Variants in IL3RA observed in about 807,000 individuals in gnomAD.
IL3RA encodes interleukin-3 receptor subunit alpha.
Under a neutral mutation model 52.3 loss-of-function variants are expected in IL3RA, and 73 were observed. That is an observed-to-expected ratio of 1.40 (90% CI 1.16 to 1.70). IL3RA has a LOEUF of 1.70. Ranked by LOEUF, IL3RA falls within the 40% of genes most tolerant of loss-of-function variation. IL3RA has a pLI of 0.00. For missense variants in IL3RA, 664 were observed against 504.4 expected (o/e 1.32, Z -3.03); for synonymous variants, 260 against 194.0 (o/e 1.34, Z -2.83).
chrX:1,380,985 T>G (rs5989670), intron 10 of IL3RA, 38 bp from the exon 11 acceptor site: 900,525 of 1,570,952 alleles, frequency 0.57, 262,312 homozygotes, highest in African/African-American at 0.75. Context: ...GCTGGTCGGT[T>G]TTGGGTTCAG....
chrX:1,378,553 A>G, intron 9 of IL3RA, 106 bp from the exon 10 acceptor site: 1 of 970,076 alleles, frequency 1.0e-6, no homozygotes, highest in Non-Finnish European at 1.6e-6. Context: ...ACGCCACCCC[A>G]TATGGCAGCC....
intron 4 of IL3RA, among the ~76,000 whole-genome samples, chrX:1,351,580 C>T (rs374547984): frequency 1.8e-4 from 27 of 151,376 alleles, no homozygotes; most frequent in South Asian, 6.3e-4. Context: ...CCTCCTGCCT[C>T]GGCCTCCCAA....
chrX:1,380,777 T>C (rs1269433363), intron 10 of IL3RA, among the ~76,000 whole-genome samples: 1 of 151,180 alleles, frequency 6.6e-6, no homozygotes. Flanking sequence ...GGTCTGTCTT[T>C]GCAGCTGCAC....
In IL3RA at chrX:1,345,374, G is replaced by A; in HGVS notation, c.123G>A (p.Trp41Ter). The A allele has an allele frequency of 6.2e-7, 1 of 1,611,194 alleles. No individual in the cohort carries two copies. Among genetic ancestry groups the A allele is most frequent in the Non-Finnish European group, 8.5e-7 (1 of 1,178,278 alleles). ...RMKAKAQQLT[W>*]DLNRNVTDIE... ...AAGCAAAGGCTCAGCAGTTGACCTG[G>A]GACCTTAACAGAAATGTGACCGATA... Residue 41 changes from tryptophan to a stop codon, truncating the protein, a stop_gained, in exon 3 of 12, where the codon TGG (tryptophan) becomes TGA (stop). Coordinates refer to ENST00000331035, the MANE Select transcript of IL3RA (RefSeq NM_002183.4). LOFTEE classifies it high-confidence loss of function.
rs1433438675 is a variant in IL3RA at position 1,360,694 on chromosome X, T to C, written c.759+1807T>C. ...CCACCATGCCCAACTAACTTTTTTT[T>C]TTTTTTGTATTTTTAGTAGAGACAG... On this transcript the variant is annotated intron_variant, in intron 8 of 11. Transcript: ENST00000331035. Among the ~76,000 whole-genome samples the C allele has an allele frequency of 5.4e-4, 82 of 151,872 alleles. 1 individual carries two copies. The highest frequency in any genetic ancestry group is 8.5e-4 in the Non-Finnish European group (58 of 67,944).
chrX:1,361,742 G>C (rs1402897081), intron 8 of IL3RA, among the ~76,000 whole-genome samples: 2 of 127,246 alleles, frequency 1.6e-5, no homozygotes, highest in African/African-American at 6.2e-5. Flanking sequence ...GACAGAGTGA[G>C]ACTCCGTCTC....
At chrX:1,351,328 A>T (rs2086072726) in intron 4 of IL3RA, among the ~76,000 whole-genome samples, 1 of 66,058 alleles carries the variant, frequency 1.5e-5, no homozygotes, top group African/African-American at 6.5e-5. Flanking sequence ...AAGGAATTAG[A>T]GTTTTATTTT....
intron 8 of IL3RA, among the ~76,000 whole-genome samples, chrX:1,359,704 ATCTC>A (rs1311880839): frequency 1.5e-4 from 12 of 79,620 alleles, no homozygotes; most frequent in African/African-American, 4.6e-4. Flanking sequence ...TTCTCCCTCC[ATCTC>A]TCTCTCCCTG....
chrX:1,360,922 CCT>C (rs1273941658), intron 8 of IL3RA, among the ~76,000 whole-genome samples: 132 of 119,562 alleles, frequency 1.1e-3, no homozygotes, highest in Non-Finnish European at 1.6e-3. Context: ...TCTCCCTTCC[CCT>C]CTCTGTCTCT....
At chrX:1,360,356 ATCTC>A (rs771602134) in intron 8 of IL3RA, among the ~76,000 whole-genome samples, 2,920 of 110,016 alleles carry the variant, frequency 0.027, 112 homozygotes, top group African/African-American at 0.087. Context: ...CCCTCTCTTT[ATCTC>A]TCTCTCTCTC....
At chrX:1,349,155 G>A (rs1197437657) in intron 4 of IL3RA, among the ~76,000 whole-genome samples, 1 of 149,076 alleles carries the variant, frequency 6.7e-6, no homozygotes. Context: ...CTACACCCAT[G>A]TACCACCATG....
At chrX:1,349,263 C>T (rs1170078414) in intron 4 of IL3RA, among the ~76,000 whole-genome samples, 1 of 151,034 alleles carries the variant, frequency 6.6e-6, no homozygotes. Context: ...CTCACTGCAA[C>T]CTCTGGCTCC....
chrX:1,350,857 C>T (rs1373579070), intron 4 of IL3RA, among the ~76,000 whole-genome samples: 1 of 144,550 alleles, frequency 6.9e-6, no homozygotes, highest in African/African-American at 2.6e-5. Flanking sequence ...CATTGAGCTC[C>T]AGCCTGGGCA....
At chrX:1,354,360 C>T (rs1464194820) in intron 6 of IL3RA, among the ~76,000 whole-genome samples, 1 of 151,836 alleles carries the variant, frequency 6.6e-6, no homozygotes, top group Non-Finnish European at 1.5e-5. Context: ...GTGAGAATGT[C>T]AATATGCCCA....
Position 1,343,436 on chromosome X carries a change from G to A in IL3RA, c.64+1607G>A, listed in dbSNP as rs183323514. Reference sequence around the variant, plus strand: ...TCCCAGCACTTTGGGAGGCTGAGGCGGGTGGATCACTTGAGGTCAGGAGTT... The same window carrying A: ...TCCCAGCACTTTGGGAGGCTGAGGCAGGTGGATCACTTGAGGTCAGGAGTT... On this transcript the variant is annotated intron_variant, in intron 2 of 11. Coordinates refer to ENST00000331035, the MANE Select transcript of IL3RA (RefSeq NM_002183.4). Among the ~76,000 whole-genome samples the A allele has an allele frequency of 5.4e-3, 819 of 151,818 alleles. 30 individuals are homozygous for A. The highest frequency in any genetic ancestry group is 0.02 in the East Asian group (103 of 5,102).
At chrX:1,349,368 G>C (rs1445835103) in intron 4 of IL3RA, among the ~76,000 whole-genome samples, 1 of 151,888 alleles carries the variant, frequency 6.6e-6, no homozygotes, top group Non-Finnish European at 1.5e-5. Context: ...TTTTAGTAGA[G>C]ATGGGGTTTC....
At chrX:1,352,715 G>A (rs752333730) in intron 6 of IL3RA, among the ~76,000 whole-genome samples, 9 of 152,136 alleles carry the variant, frequency 5.9e-5, no homozygotes, top group African/African-American at 1.9e-4. Context: ...TCTTCTCACT[G>A]TGTCTTCACG....
chrX:1,370,366 C>A (rs2088506535), intron 9 of IL3RA, among the ~76,000 whole-genome samples: 1 of 342 alleles, frequency 2.9e-3, no homozygotes. Context: ...CGTCTCCAAG[C>A]CCAGGAGAGG....
rs2089034361 is a variant in IL3RA at position 1,379,610 on chromosome X, G to A, written c.980+846G>A. ...GGCCGGTCCTCCCCTGCCCTGCCCA[G>A]CGGGCCTGACACAGTCAGAGGGCGA... On this transcript the variant is annotated intron_variant, in intron 10 of 11. Coordinates refer to ENST00000331035, the MANE Select transcript of IL3RA (RefSeq NM_002183.4). Among the ~76,000 whole-genome samples, 6 of 152,242 alleles carry A rather than the reference G, an allele frequency of 3.9e-5. 1 individual carries two copies. Among genetic ancestry groups the A allele is most frequent in the Admixed American group, 3.9e-4 (6 of 15,288 alleles).
Sources: gnomAD v4.1 joint callset for allele counts (sites outside exome capture counted in the v4.1 genomes callset) on GRCh38, gnomAD v4.1.1 for gene constraint, MANE v1.5 for transcripts, NCBI Gene and HGNC (gene_info 2026-07-23, HGNC 2026-07-21) for gene names.